WLS: variants seen among roughly 807,000 people sequenced by gnomAD.
WLS encodes the protein protein wntless homolog.
WLS carries 23 observed loss-of-function variants against 62.8 expected under a neutral mutation model. The ratio of observed to expected loss-of-function variants is 0.37; its 90% CI spans 0.26 to 0.52. The LOEUF is 0.52. Among genes scored for constraint, WLS ranks in the 20% least tolerant of loss-of-function variants. WLS has a pLI of 0.92. For synonymous variants in WLS, 246 were observed against 244.1 expected (o/e 1.01, Z -0.07); for missense variants, 615 against 697.3 (o/e 0.88, Z 1.33).
chr1:68,104,329 C>CA (rs1228575547), intron 11 of WLS, among the ~76,000 whole-genome samples: 1 of 152,146 alleles, frequency 6.6e-6, no homozygotes, highest in African/African-American at 2.4e-5. Flanking sequence ...CTAGACTTAG[C>CA]TAGTTATGCA....
At chr1:68,152,054 A>G (rs1333560932) in intron 5 of WLS, among the ~76,000 whole-genome samples, 1 of 152,134 alleles carries the variant, frequency 6.6e-6, no homozygotes, top group Non-Finnish European at 1.5e-5. Flanking sequence ...AGTGTGAAAA[A>G]CAGAGACATA....
intron 1 of WLS, among the ~76,000 whole-genome samples, chr1:68,204,069 G>A (rs570370552): frequency 6.6e-6 from 1 of 152,290 alleles, no homozygotes; most frequent in Admixed American, 6.5e-5. Flanking sequence ...AGCAATTAAA[G>A]TACAGGGCAT....
chr1:68,194,971 C>T (rs2100608336), intron 1 of WLS, among the ~76,000 whole-genome samples: 1 of 152,162 alleles, frequency 6.6e-6, no homozygotes. Flanking sequence ...TTGGAAAATA[C>T]AGAAATTTTA....
chr1:68,207,431 G>A (rs1649326274), intron 1 of WLS, among the ~76,000 whole-genome samples: 1 of 152,182 alleles, frequency 6.6e-6, no homozygotes, highest in Non-Finnish European at 1.5e-5. Context: ...AGAGATCATT[G>A]ACAAAATTTG....
chr1:68,127,599 CAT>C (rs1011224990), intron 11 of WLS, among the ~76,000 whole-genome samples: 8 of 152,106 alleles, frequency 5.3e-5, no homozygotes, highest in Admixed American at 2.0e-4. Flanking sequence ...CGTGTGCACA[CAT>C]GTTTGTGGAG....
chr1:68,120,880 C>A (rs763552105), downstream of WLS, among the ~76,000 whole-genome samples: 5 of 152,222 alleles, frequency 3.3e-5, no homozygotes, highest in Admixed American at 2.0e-4. Flanking sequence ...ACTGCTTTTA[C>A]TTTATATTTC....
intron 1 of WLS, chr1:68,231,576 G>C: frequency 3.5e-5 from 7 of 202,126 alleles, no homozygotes; most frequent in Middle Eastern, 1.1e-3. Flanking sequence ...CCTCCCGGCC[G>C]ACAATTCGGA....
intron 1 of WLS, among the ~76,000 whole-genome samples, chr1:68,226,923 T>TA (rs1483545326): frequency 4.6e-5 from 7 of 152,310 alleles, no homozygotes; most frequent in African/African-American, 1.7e-4. Flanking sequence ...CAAATCATTG[T>TA]AAAATGTCAT....
At chr1:68,133,435 C>G (rs1646560464) in intron 11 of WLS, among the ~76,000 whole-genome samples, 1 of 152,216 alleles carries the variant, frequency 6.6e-6, no homozygotes, top group African/African-American at 2.4e-5. Flanking sequence ...ATCTTGTCCC[C>G]CAGACCAGGC....
chr1:68,122,200 T>C (rs10158359), downstream of WLS, among the ~76,000 whole-genome samples: 50,526 of 152,066 alleles, frequency 0.33, 8,493 homozygotes, highest in East Asian at 0.46. Flanking sequence ...AAGACCAGGG[T>C]GTGGCCACTA....
At chr1:68,171,113 G>A (rs1647147280) in intron 2 of WLS, among the ~76,000 whole-genome samples, 1 of 152,004 alleles carries the variant, frequency 6.6e-6, no homozygotes, top group South Asian at 2.1e-4. Flanking sequence ...CCCTGTGCTA[G>A]ATGGACCATC....
At position 68,144,558 on chromosome 1, in the gene WLS, G is replaced by A; in HGVS notation, c.1362+11C>T. ...AGACATTCTCACCTTGACATCTCAG[G>A]GTCCACTTACCTGACTAACGATGAA... On this transcript the variant is annotated intron_variant, in intron 10 of 11. Coordinates refer to ENST00000262348, the MANE Select transcript of WLS (RefSeq NM_024911.7). The A allele has an allele frequency of 6.2e-7, 1 of 1,612,124 alleles. No homozygotes were observed. The highest frequency in any genetic ancestry group is 1.7e-5 in the Admixed American group (1 of 59,940).
intron 11 of WLS, among the ~76,000 whole-genome samples, chr1:68,103,801 T>A (rs1356346106): frequency 6.6e-6 from 1 of 152,182 alleles, no homozygotes; most frequent in Non-Finnish European, 1.5e-5. Flanking sequence ...GTCACCCACA[T>A]GCTGCTTGGG....
Position 68,125,530 on chromosome 1 carries a change from G to C in WLS, c.*696C>G. On this transcript the variant is annotated 3_prime_UTR_variant, in exon 12 of 12. Transcript: ENST00000262348. Reference sequence around the variant, plus strand: ...TCAGACCCGAAGGCCATTTAATACAGTAAATCTTACTTGGGTAGTTTAGCA... The same window carrying C: ...TCAGACCCGAAGGCCATTTAATACACTAAATCTTACTTGGGTAGTTTAGCA... 1 of 985,418 alleles carries C rather than the reference G, an allele frequency of 1.0e-6. No homozygotes were observed. The highest frequency in any genetic ancestry group is 1.2e-6 in the Non-Finnish European group (1 of 829,924). 61.0% of individuals were successfully genotyped at this position (985,418 alleles called of 1,614,324 possible).
chr1:68,183,877 G>T (rs952059310), intron 2 of WLS, among the ~76,000 whole-genome samples: 1 of 152,016 alleles, frequency 6.6e-6, no homozygotes, highest in Non-Finnish European at 1.5e-5. Flanking sequence ...TTCAGTGTGG[G>T]GAAAGAAAAA....
At position 68,107,690 on chromosome 1, in the gene WLS, C is replaced by T. The variant is rs545779446; in HGVS notation, c.1511-8937G>A. Among the ~76,000 whole-genome samples, 37 of 152,302 alleles carry T rather than the reference C, an allele frequency of 2.4e-4. No homozygotes were observed. In the South Asian group the frequency reaches 5.8e-3, roughly 24 times the overall value. On this transcript the variant is annotated intron_variant, in intron 11 of 11. Coordinates refer to the WLS transcript ENST00000354777. ...CTCTCATATGCCAGGCACTTTCCTG[C>T]GTTTTACGTGCTTTATTGCATTTGA...
At chr1:68,124,744 C>CGCTTTG (rs1557456795), downstream of WLS, among the ~76,000 whole-genome samples, 1 of 152,158 alleles carries the variant, frequency 6.6e-6, no homozygotes, top group Non-Finnish European at 1.5e-5. Context: ...CTGCTTACCA[C>CGCTTTG]GCTTTAAGCC....
intron 7 of WLS, 39 bp downstream of exon 7, chr1:68,148,524 T>C (rs1402720105): frequency 1.3e-6 from 2 of 1,597,024 alleles, no homozygotes; most frequent in South Asian, 2.2e-5. Context: ...GGCGTGGTGA[T>C]GCACAGTTTG....
chr1:68,107,959 C>T lies in WLS; in HGVS notation c.1511-9206G>A, dbSNP rs560741193. On this transcript the variant is annotated intron_variant, in intron 11 of 11. Coordinates refer to the WLS transcript ENST00000354777. Reference sequence around the variant, plus strand: ...CTAGAGCCTTCCAGACCCAGCTCCCCGGGAGATGAATCACCAGCTAGGGAC... The same window carrying T: ...CTAGAGCCTTCCAGACCCAGCTCCCTGGGAGATGAATCACCAGCTAGGGAC... 5.3e-5 allele frequency among the ~76,000 whole-genome samples: 8 copies of T among 152,220 alleles called. No individual in the cohort carries two copies. In the South Asian group the frequency reaches 6.2e-4, roughly 12 times the overall value.
Sources: allele counts gnomAD v4.1 joint callset (sites outside exome capture counted in the v4.1 genomes callset), GRCh38; gene constraint gnomAD v4.1.1; transcripts MANE v1.5; gene names NCBI Gene and HGNC (gene_info 2026-07-23, HGNC 2026-07-21).